Variants in ADK observed in about 807,000 individuals in gnomAD.
ADK encodes the protein N6,N6-dimethyladenosine kinase.
ADK carries 24 observed loss-of-function variants against 44.7 expected under a neutral mutation model. The ratio of observed to expected loss-of-function variants is 0.54; its 90% CI spans 0.39 to 0.76. The LOEUF is 0.76. ADK is among the 30% of genes least tolerant of loss of function. The pLI, the probability that ADK is intolerant of heterozygous loss-of-function variation, is 0.00. For missense variants in ADK, 321 were observed against 425.1 expected, an observed-to-expected ratio of 0.76 and a Z score of 2.15; for synonymous variants, 128 against 142.6, an observed-to-expected ratio of 0.90 and a Z score of 0.73.
Position 74,525,358 on chromosome 10 carries a change from A to G in ADK, c.658A>G (p.Ser220Gly). The G allele has an allele frequency of 6.2e-7, 1 of 1,613,722 alleles. No homozygotes were observed. The highest frequency in any genetic ancestry group is 1.3e-5 in the African/African-American group (1 of 75,026). ...FTLNLSAPFI[S>G]QFYKESLMKV... ...TTTGAATCTATCTGCACCGTTTATT[A>G]GCCAGTTCTACAAGGAATCATTGAT... Residue 220 changes from serine to glycine, a missense_variant, in exon 7 of 11, where the codon AGC (serine) becomes GGC (glycine). Transcript: ENST00000539909.
chr10:74,477,620 T>C (rs1200992556), intron 6 of ADK, among the ~76,000 whole-genome samples: 3 of 152,220 alleles, frequency 2.0e-5, no homozygotes, highest in African/African-American at 4.8e-5. Flanking sequence ...CTCAATTACA[T>C]GATTTATCAG....
At chr10:74,237,053 T>C (rs539395141) in intron 3 of ADK, among the ~76,000 whole-genome samples, 29 of 152,304 alleles carry the variant, frequency 1.9e-4, no homozygotes, top group African/African-American at 6.7e-4. Context: ...TTTCTTAAAA[T>C]AAGACAATAA....
intron 6 of ADK, among the ~76,000 whole-genome samples, chr10:74,429,790 C>T (rs1844920083): frequency 6.6e-6 from 1 of 152,106 alleles, no homozygotes; most frequent in South Asian, 2.1e-4. Context: ...CTATCAGGAG[C>T]TTTCATGTTT....
intron 9 of ADK, among the ~76,000 whole-genome samples, chr10:74,627,994 G>A (rs1159908850): frequency 6.6e-6 from 1 of 152,122 alleles, no homozygotes. Flanking sequence ...AAGCCTACAC[G>A]TTGGTATTTG....
At chr10:74,432,668 C>T (rs1845042980) in intron 6 of ADK, among the ~76,000 whole-genome samples, 1 of 152,108 alleles carries the variant, frequency 6.6e-6, no homozygotes, top group South Asian at 2.1e-4. Context: ...ACTTATAGGA[C>T]TATTCTATGA....
At chr10:74,231,631 A>G (rs1844767197) in intron 3 of ADK, among the ~76,000 whole-genome samples, 1 of 151,034 alleles carries the variant, frequency 6.6e-6, no homozygotes, top group Non-Finnish European at 1.5e-5. Flanking sequence ...ACACCTGGCT[A>G]ATTTTTGTAT....
At chr10:74,497,055 C>T (rs11001055) in intron 6 of ADK, among the ~76,000 whole-genome samples, 7,030 of 152,150 alleles carry the variant, frequency 0.046, 561 homozygotes, top group African/African-American at 0.16. Context: ...TAAAGTGATC[C>T]TCCCTGCTCA....
intron 3 of ADK, among the ~76,000 whole-genome samples, chr10:74,259,119 AT>A (rs1394169537): frequency 6.6e-6 from 1 of 150,604 alleles, no homozygotes; most frequent in African/African-American, 2.4e-5. Flanking sequence ...TAATTTTTGT[AT>A]TTTTAGTAGA....
chr10:74,203,773 A>T (rs1430594521), intron 2 of ADK, among the ~76,000 whole-genome samples: 2 of 151,148 alleles, frequency 1.3e-5, no homozygotes, highest in South Asian at 4.2e-4. Context: ...TATTATTATT[A>T]TTATTAATTT....
At chr10:74,229,238 T>C (rs1844657218) in intron 3 of ADK, among the ~76,000 whole-genome samples, 1 of 152,136 alleles carries the variant, frequency 6.6e-6, no homozygotes, top group African/African-American at 2.4e-5. Flanking sequence ...TCAAGGGTAT[T>C]AGGACGTGCT....
intron 9 of ADK, among the ~76,000 whole-genome samples, chr10:74,615,458 C>T (rs943593176): frequency 6.6e-6 from 1 of 152,046 alleles, no homozygotes; most frequent in East Asian, 1.9e-4. Context: ...GTTATGATAC[C>T]AAAGAGTTAC....
At chr10:74,505,634 A>G (rs1233290171) in intron 6 of ADK, among the ~76,000 whole-genome samples, 1 of 151,586 alleles carries the variant, frequency 6.6e-6, no homozygotes, top group Non-Finnish European at 1.5e-5. Flanking sequence ...TCTAGCATCA[A>G]TTTATTTTTT....
chr10:74,464,706 G>C (rs1344217346), intron 6 of ADK, among the ~76,000 whole-genome samples: 25 of 151,954 alleles, frequency 1.6e-4, no homozygotes, highest in Admixed American at 1.6e-3. Flanking sequence ...AAGCAGGCCA[G>C]GCACAGTGGC....
At chr10:74,615,993 G>A (rs1852744133) in intron 9 of ADK, among the ~76,000 whole-genome samples, 1 of 152,176 alleles carries the variant, frequency 6.6e-6, no homozygotes, top group South Asian at 2.1e-4. Context: ...ACAGGCGTGA[G>A]CCATCGTGCC....
chr10:74,708,290 A>G, intron 10 of ADK, 31 bp from the exon 11 acceptor site: 2 of 1,604,672 alleles, frequency 1.2e-6, no homozygotes, highest in Non-Finnish European at 8.5e-7. Flanking sequence ...GTTATACAAT[A>G]CTCATGTGTT....
At chr10:74,310,498 A>G (rs186745921) in intron 3 of ADK, among the ~76,000 whole-genome samples, 1 of 152,134 alleles carries the variant, frequency 6.6e-6, no homozygotes, top group East Asian at 1.9e-4. Flanking sequence ...TCCACATCTT[A>G]CATTTCTTTA....
chr10:74,562,985 A>G (rs1441046582), intron 7 of ADK, among the ~76,000 whole-genome samples: 1 of 152,194 alleles, frequency 6.6e-6, no homozygotes, highest in Non-Finnish European at 1.5e-5. Context: ...TTTCACTTAG[A>G]ACAAAATTCA....
intron 6 of ADK, among the ~76,000 whole-genome samples, chr10:74,464,055 C>T (rs1003491155): frequency 7.2e-5 from 11 of 152,076 alleles, no homozygotes; most frequent in African/African-American, 2.7e-4. Context: ...GATTCCTGTA[C>T]ACATGTTACT....
intron 9 of ADK, among the ~76,000 whole-genome samples, chr10:74,667,375 C>T (rs1476524426): frequency 2.0e-5 from 3 of 151,466 alleles, no homozygotes; most frequent in African/African-American, 7.3e-5. Flanking sequence ...AATAATTCTA[C>T]TTTGTATTTC....
Sources: gnomAD v4.1 joint callset for allele counts (sites outside exome capture counted in the v4.1 genomes callset) on GRCh38, gnomAD v4.1.1 for gene constraint, MANE v1.5 for transcripts, NCBI Gene and HGNC (gene_info 2026-07-23, HGNC 2026-07-21) for gene names.